PPFIA2: variants seen among roughly 807,000 people sequenced by gnomAD.
PPFIA2 encodes liprin-alpha-2.
Under a neutral mutation model 175.5 loss-of-function variants are expected in PPFIA2, and 46 were observed. The ratio of observed to expected loss-of-function variants is 0.26; its 90% CI spans 0.21 to 0.34. The LOEUF (loss-of-function observed/expected upper bound fraction) is 0.34, where lower values mean the gene tolerates loss of function less well. PPFIA2 is among the 10% of genes least tolerant of loss of function. PPFIA2 has a pLI of 1.00. For missense variants in PPFIA2, 1,179 were observed against 1,506.1 expected (o/e 0.78, Z 3.60); for synonymous variants, 568 against 511.4 (o/e 1.11, Z -1.49).
intron 22 of PPFIA2, among the ~76,000 whole-genome samples, chr12:81,310,834 G>A (rs2050588294): frequency 6.6e-6 from 1 of 151,832 alleles, no homozygotes; most frequent in African/African-American, 2.4e-5. Flanking sequence ...TTTTGGCAAT[G>A]GCAACTGTAA....
intron 30 of PPFIA2, among the ~76,000 whole-genome samples, chr12:81,264,497 A>G (rs2036603670): frequency 1.3e-5 from 2 of 152,136 alleles, no homozygotes; most frequent in African/African-American, 4.8e-5. Flanking sequence ...AGGTATAGCC[A>G]AGTATATGTT....
chr12:81,311,805 A>G (rs7487644), intron 22 of PPFIA2, among the ~76,000 whole-genome samples: 53,421 of 150,642 alleles, frequency 0.35, 10,372 homozygotes, highest in East Asian at 0.51. Context: ...AGCACAATCA[A>G]TAGTACCTGA....
chr12:81,447,914 A>G (rs1363945541), intron 5 of PPFIA2, among the ~76,000 whole-genome samples: 1 of 152,198 alleles, frequency 6.6e-6, no homozygotes, highest in Non-Finnish European at 1.5e-5. Context: ...ATTATTTCCT[A>G]AAAGCTTAGG....
chr12:81,751,163 A>G (rs1171864485), intron 3 of PPFIA2, among the ~76,000 whole-genome samples: 1 of 152,264 alleles, frequency 6.6e-6, no homozygotes, highest in Non-Finnish European at 1.5e-5. Flanking sequence ...TCACTGTCTA[A>G]GGACCTGTGG....
chr12:81,596,817 G>T (rs1220660406), intron 4 of PPFIA2, among the ~76,000 whole-genome samples: 2 of 152,086 alleles, frequency 1.3e-5, no homozygotes, highest in African/African-American at 4.8e-5. Context: ...AGTAGGAAGA[G>T]AATATATTTT....
At position 81,449,894 on chromosome 12, in the gene PPFIA2, GT is replaced by G. The variant is rs1182140728; in HGVS notation, c.406-4175del. Among the ~76,000 whole-genome samples, 383 of 151,040 alleles carry G rather than the reference GT, an allele frequency of 2.5e-3. 1 individual carries two copies. Among genetic ancestry groups the G allele is most frequent in the African/African-American group, 9.0e-3 (369 of 41,090 alleles). On this transcript the variant is annotated intron_variant, in intron 5 of 32. Transcript: ENST00000549396. ...TATGAGTGAAAACATGCGGTGTTTGGTTTTTTGTCCTTGCAATAGTTTGCTG... is the reference window on the plus strand; with the variant it reads ...TATGAGTGAAAACATGCGGTGTTTGGTTTTTGTCCTTGCAATAGTTTGCTG...
At chr12:81,337,894 C>A (rs1566243991) in intron 21 of PPFIA2, among the ~76,000 whole-genome samples, 1 of 152,070 alleles carries the variant, frequency 6.6e-6, no homozygotes, top group African/African-American at 2.4e-5. Flanking sequence ...ACAAAATAAT[C>A]TGTGTCTCTC....
chr12:81,413,595 C>G (rs1244547895), intron 7 of PPFIA2, among the ~76,000 whole-genome samples: 1 of 151,732 alleles, frequency 6.6e-6, no homozygotes, highest in Non-Finnish European at 1.5e-5. Flanking sequence ...TGAAAGTCAT[C>G]AAGAGTTGTT....
intron 4 of PPFIA2, among the ~76,000 whole-genome samples, chr12:81,470,892 A>G (rs2056604446): frequency 6.6e-6 from 1 of 152,162 alleles, no homozygotes; most frequent in African/African-American, 2.4e-5. Flanking sequence ...TACCCATTGA[A>G]CAACAGCTAC....
At chr12:81,296,043 C>A (rs985205122) in intron 23 of PPFIA2, among the ~76,000 whole-genome samples, 3 of 146,336 alleles carry the variant, frequency 2.1e-5, no homozygotes, top group East Asian at 4.2e-4. Flanking sequence ...CGGTGGCTCA[C>A]GCCTGTAATC....
intron 8 of PPFIA2, among the ~76,000 whole-genome samples, chr12:81,387,656 T>C (rs2039277662): frequency 6.6e-6 from 1 of 152,144 alleles, no homozygotes; most frequent in Non-Finnish European, 1.5e-5. Context: ...GTGGTCTAGT[T>C]ACTTGTAGAC....
chr12:81,442,529 A>T (rs1336791446), intron 6 of PPFIA2, among the ~76,000 whole-genome samples: 1 of 151,908 alleles, frequency 6.6e-6, no homozygotes, highest in Non-Finnish European at 1.5e-5. Flanking sequence ...TTATTTTTAA[A>T]TAGTCAATGA....
chr12:81,713,337 C>A (rs1425894816), intron 3 of PPFIA2, among the ~76,000 whole-genome samples: 1 of 150,892 alleles, frequency 6.6e-6, no homozygotes, highest in African/African-American at 2.4e-5. Flanking sequence ...CTAAGAGTAA[C>A]AAAATTGGGA....
intron 3 of PPFIA2, among the ~76,000 whole-genome samples, chr12:81,704,235 G>A (rs551234903): frequency 1.3e-5 from 2 of 152,232 alleles, no homozygotes; most frequent in South Asian, 2.1e-4. Context: ...GTTAAACTGT[G>A]TTGTTGTGTA....
chr12:81,752,364 T>G (rs1463266058), intron 3 of PPFIA2, among the ~76,000 whole-genome samples: 1 of 152,136 alleles, frequency 6.6e-6, no homozygotes, highest in Non-Finnish European at 1.5e-5. Flanking sequence ...AGCAGGATGG[T>G]GATAGTTCTA....
chr12:81,550,891 T>C (rs1177896819), intron 4 of PPFIA2, among the ~76,000 whole-genome samples: 5 of 151,658 alleles, frequency 3.3e-5, no homozygotes, highest in Admixed American at 6.6e-5. Flanking sequence ...CAGAAGGAAA[T>C]TGGAAGAACC....
chr12:81,518,836 AT>A (rs1326282344), intron 4 of PPFIA2, among the ~76,000 whole-genome samples: 1 of 152,172 alleles, frequency 6.6e-6, no homozygotes, highest in Non-Finnish European at 1.5e-5. Context: ...CTCAATAAAT[AT>A]TTACTGAGTA....
In PPFIA2 at chr12:81,595,792, T is replaced by G. The variant is rs61937278; in HGVS notation, c.303+80999A>C. Among the ~76,000 whole-genome samples the G allele has an allele frequency of 8.8e-3, 1,344 of 152,236 alleles. 20 individuals carry two copies. The highest frequency in any genetic ancestry group is 0.015 in the Non-Finnish European group (995 of 68,000). On this transcript the variant is annotated intron_variant, in intron 4 of 32. Transcript: ENST00000549396. ...ACTCTTAAAATGTGATAGCATACCATGTCAGAAAAAAATGACAGGATAGTT... is the reference window on the plus strand; with the variant it reads ...ACTCTTAAAATGTGATAGCATACCAGGTCAGAAAAAAATGACAGGATAGTT...
At chr12:81,364,530 G>A (rs543744357) in intron 14 of PPFIA2, among the ~76,000 whole-genome samples, 1 of 151,858 alleles carries the variant, frequency 6.6e-6, no homozygotes, top group African/African-American at 2.4e-5. Context: ...AGGACTACAG[G>A]TGTGCACCAC....
Sources: allele counts gnomAD v4.1 joint callset (sites outside exome capture counted in the v4.1 genomes callset), GRCh38; gene constraint gnomAD v4.1.1; transcripts MANE v1.5; gene names NCBI Gene and HGNC (gene_info 2026-07-23, HGNC 2026-07-21).